Variants in MAGI1 observed in about 807,000 individuals in gnomAD.
MAGI1 encodes the protein membrane associated guanylate kinase, WW and PDZ domain containing 1, also known as membrane-associated guanylate kinase, WW and PDZ domain-containing protein 1.
In MAGI1, 58 loss-of-function variants were observed where a neutral mutation model predicts 139.9. That is an observed-to-expected ratio of 0.41 (90% CI 0.34 to 0.52). The LOEUF is 0.52. Ranked by LOEUF, MAGI1 falls within the 20% of genes least tolerant of loss-of-function variation. The pLI is 0.12. For missense variants in MAGI1, 1,874 were observed against 1,901.6 expected (o/e 0.99, Z 0.27); for synonymous variants, 812 against 737.9 (o/e 1.10, Z -1.63).
chr3:65,936,086 A>G (rs552747576), intron 1 of MAGI1, among the ~76,000 whole-genome samples: 32 of 152,350 alleles, frequency 2.1e-4, no homozygotes, highest in African/African-American at 6.7e-4. Context: ...GAAAAAAGCC[A>G]CAACACACAG....
At chr3:65,653,082 T>A (rs2085675597) in intron 1 of MAGI1, among the ~76,000 whole-genome samples, 1 of 152,192 alleles carries the variant, frequency 6.6e-6, no homozygotes, top group Admixed American at 6.6e-5. Context: ...AGAAAACTTG[T>A]ATACTTTTTT....
intron 1 of MAGI1, among the ~76,000 whole-genome samples, chr3:65,909,903 G>C (rs1428723230): frequency 2.0e-5 from 3 of 152,100 alleles, no homozygotes; most frequent in African/African-American, 7.2e-5. Flanking sequence ...GGACGAAACT[G>C]TCCCACCTCA....
intron 1 of MAGI1, among the ~76,000 whole-genome samples, chr3:65,868,678 A>C (rs58367667): frequency 0.061 from 9,272 of 152,106 alleles, 910 homozygotes; most frequent in African/African-American, 0.21. Context: ...GGAGCTAACT[A>C]ATCTCCCTCA....
chr3:65,847,940 T>G (rs747630744), intron 1 of MAGI1, among the ~76,000 whole-genome samples: 3 of 152,072 alleles, frequency 2.0e-5, no homozygotes, highest in Non-Finnish European at 4.4e-5. Flanking sequence ...GAGACTGGGG[T>G]TGGGGTATAC....
chr3:65,640,121 T>C lies in MAGI1; in HGVS notation c.314-18033A>G, dbSNP rs1015560516. 7.2e-5 allele frequency among the ~76,000 whole-genome samples: 11 copies of C among 152,054 alleles called. No homozygotes were observed. The South Asian group carries it at 1.2e-3, about 17-fold the overall frequency. Reference sequence around the variant, plus strand: ...ACCAGCCTTCAAACTGGGAGTACCATCAGCTCCTCTGGGTCTTCAGCTTGT... The same window carrying C: ...ACCAGCCTTCAAACTGGGAGTACCACCAGCTCCTCTGGGTCTTCAGCTTGT... On this transcript the variant is annotated intron_variant, in intron 1 of 22. Transcript: ENST00000402939.
intron 1 of MAGI1, among the ~76,000 whole-genome samples, chr3:65,671,966 G>A (rs1361897453): frequency 1.3e-5 from 2 of 152,064 alleles, no homozygotes; most frequent in East Asian, 3.8e-4. Context: ...ACAAAATTGG[G>A]CACAATTATC....
chr3:65,446,965 T>A (rs1948720762), intron 7 of MAGI1, among the ~76,000 whole-genome samples: 1 of 152,226 alleles, frequency 6.6e-6, no homozygotes, highest in African/African-American at 2.4e-5. Context: ...CATGACTGAT[T>A]ATCTTTATCT....
intron 2 of MAGI1, among the ~76,000 whole-genome samples, chr3:65,548,867 G>A (rs1307918210): frequency 1.3e-5 from 2 of 152,180 alleles, no homozygotes; most frequent in African/African-American, 4.8e-5. Flanking sequence ...CTGGAGGGGT[G>A]GGGTGAGCCA....
At chr3:65,835,693 T>TG (rs2042767503) in intron 1 of MAGI1, among the ~76,000 whole-genome samples, 1 of 152,216 alleles carries the variant, frequency 6.6e-6, no homozygotes, top group Non-Finnish European at 1.5e-5. Context: ...ATTTTTGTAG[T>TG]GAAAAACAAG....
intron 1 of MAGI1, among the ~76,000 whole-genome samples, chr3:65,761,130 G>T (rs11917398): frequency 0.012 from 1,857 of 152,244 alleles, 56 homozygotes; most frequent in African/African-American, 0.042. Context: ...ATGTGATCTG[G>T]AATCTTCAAG....
chr3:65,673,822 G>A lies in MAGI1; in HGVS notation c.314-51734C>T, dbSNP rs535589730. On this transcript the variant is annotated intron_variant, in intron 1 of 22. Coordinates refer to ENST00000402939, the MANE Select transcript of MAGI1 (RefSeq NM_001033057.2). Reference sequence around the variant, plus strand: ...AGTTCAATAAATATTATAAATAGGCGTTTCCTATTTCACCTATAGTCCTAA... The same window carrying A: ...AGTTCAATAAATATTATAAATAGGCATTTCCTATTTCACCTATAGTCCTAA... Among the ~76,000 whole-genome samples, 66 of 152,280 alleles carry A rather than the reference G, an allele frequency of 4.3e-4. No individual in the cohort carries two copies. In the South Asian group the frequency reaches 1.0e-2, roughly 23 times the overall value.
chr3:65,835,606 T>C (rs991870099), intron 1 of MAGI1, among the ~76,000 whole-genome samples: 2 of 152,148 alleles, frequency 1.3e-5, no homozygotes, highest in Admixed American at 6.5e-5. Flanking sequence ...TGAAAACAGA[T>C]GACTATATAC....
chr3:65,442,081 C>CTTT (rs5849668), intron 8 of MAGI1, among the ~76,000 whole-genome samples: 10 of 144,678 alleles, frequency 6.9e-5, no homozygotes, highest in African/African-American at 2.3e-4. Flanking sequence ...TAATACAAAG[C>CTTT]TTTTTTTTTT....
At chr3:65,472,067 T>G (rs1210600582) in intron 4 of MAGI1, among the ~76,000 whole-genome samples, 2 of 152,208 alleles carry the variant, frequency 1.3e-5, no homozygotes, top group South Asian at 2.1e-4. Flanking sequence ...TTCACTTTCC[T>G]GCTTAAACCA....
intron 1 of MAGI1, among the ~76,000 whole-genome samples, chr3:65,690,331 C>A (rs1350630815): frequency 6.6e-6 from 1 of 152,174 alleles, no homozygotes; most frequent in Non-Finnish European, 1.5e-5. Context: ...ACTCCTGATA[C>A]ACTGTCACAC....
intron 1 of MAGI1, among the ~76,000 whole-genome samples, chr3:65,865,246 C>G (rs951478572): frequency 6.6e-6 from 1 of 152,080 alleles, no homozygotes; most frequent in Non-Finnish European, 1.5e-5. Context: ...AATAAATAGT[C>G]TAGGATGTGA....
chr3:65,732,998 G>T (rs1392253311), intron 1 of MAGI1, among the ~76,000 whole-genome samples: 1 of 152,164 alleles, frequency 6.6e-6, no homozygotes, highest in African/African-American at 2.4e-5. Flanking sequence ...CTTGCTGATT[G>T]TCTGGACTCA....
intron 1 of MAGI1, among the ~76,000 whole-genome samples, chr3:65,847,955 A>C (rs189438053): frequency 1.1e-4 from 16 of 152,264 alleles, no homozygotes; most frequent in African/African-American, 3.4e-4. Flanking sequence ...GTATACCTTG[A>C]GTCCAGGAGT....
At chr3:65,361,142 G>C in intron 22 of MAGI1, 57 bp downstream of exon 22, 1 of 1,613,934 alleles carries the variant, frequency 6.2e-7, no homozygotes, top group South Asian at 1.1e-5. Context: ...CCGTTCTGGA[G>C]ACAAATTCAT....
Sources: allele counts gnomAD v4.1 joint callset (sites outside exome capture counted in the v4.1 genomes callset), GRCh38; gene constraint gnomAD v4.1.1; transcripts MANE v1.5; gene names NCBI Gene and HGNC (gene_info 2026-07-23, HGNC 2026-07-21).